CHCHD3: variants seen among roughly 807,000 people sequenced by gnomAD.
CHCHD3 encodes the protein coiled-coil-helix-coiled-coil-helix domain containing 3, also known as MICOS complex subunit MIC19.
CHCHD3 carries 20 observed loss-of-function variants against 38.2 expected under a neutral mutation model. The observed-to-expected ratio is 0.52, with a 90% CI of 0.37 to 0.76. The LOEUF (loss-of-function observed/expected upper bound fraction) is 0.76, where lower values mean the gene tolerates loss of function less well. Ranked by LOEUF, CHCHD3 falls within the 30% of genes least tolerant of loss-of-function variation. The pLI is 0.00. For synonymous variants in CHCHD3, 82 were observed against 100.0 expected (o/e 0.82, Z 1.07); for missense variants, 245 against 279.2 (o/e 0.88, Z 0.87).
chr7:133,024,772 A>C, intron 2 of CHCHD3, 145 bp from the exon 3 acceptor site: 1 of 643,530 alleles, frequency 1.6e-6, no homozygotes, highest in South Asian at 1.8e-5. Flanking sequence ...GAACTTCTCA[A>C]GCACTGTGGA....
At chr7:132,830,090 A>C (rs929884531) in intron 6 of CHCHD3, among the ~76,000 whole-genome samples, 4 of 152,238 alleles carry the variant, frequency 2.6e-5, no homozygotes, top group Non-Finnish European at 4.4e-5. Flanking sequence ...AGGAACTAAA[A>C]AGAAAGTAAA....
chr7:132,938,394 G>A (rs1466013972), intron 4 of CHCHD3, among the ~76,000 whole-genome samples: 1 of 151,994 alleles, frequency 6.6e-6, no homozygotes, highest in African/African-American at 2.4e-5. Context: ...GCACCCAAAT[G>A]AACACGTAAT....
chr7:132,981,604 A>T (rs1379032798), intron 3 of CHCHD3, among the ~76,000 whole-genome samples: 1 of 152,178 alleles, frequency 6.6e-6, no homozygotes, highest in African/African-American at 2.4e-5. Context: ...TTTGGCTTTT[A>T]ATGGCCCTAA....
At chr7:132,910,367 C>T (rs781184128) in intron 4 of CHCHD3, among the ~76,000 whole-genome samples, 2 of 152,156 alleles carry the variant, frequency 1.3e-5, no homozygotes, top group African/African-American at 4.8e-5. Context: ...TGCCCTGGCT[C>T]CTATACTTGC....
At chr7:133,070,022 T>C in intron 2 of CHCHD3, 120 bp downstream of exon 2, 1 of 666,196 alleles carries the variant, frequency 1.5e-6, no homozygotes, top group Non-Finnish European at 2.5e-6. Flanking sequence ...TAATATTCCT[T>C]ATTAAAAGCT....
intron 4 of CHCHD3, among the ~76,000 whole-genome samples, chr7:132,898,910 C>T (rs1472653377): frequency 3.9e-5 from 6 of 152,188 alleles, no homozygotes; most frequent in East Asian, 1.9e-4. Flanking sequence ...GTGCAGGGCC[C>T]GCCAAGCCCA....
At chr7:133,028,807 C>G (rs1457011363) in intron 2 of CHCHD3, among the ~76,000 whole-genome samples, 1 of 151,622 alleles carries the variant, frequency 6.6e-6, no homozygotes, top group African/African-American at 2.4e-5. Context: ...ATCGCTTGAA[C>G]TCGGGAGGCG....
At chr7:133,054,341 A>T (rs1009129398) in intron 2 of CHCHD3, among the ~76,000 whole-genome samples, 1 of 152,214 alleles carries the variant, frequency 6.6e-6, no homozygotes, top group Non-Finnish European at 1.5e-5. Context: ...GTCATTCTGC[A>T]TAGGCTCACA....
At position 133,082,065 on chromosome 7, in the gene CHCHD3, A is replaced by G; in HGVS notation, c.-128T>C. The G allele has an allele frequency of 1.3e-6, 1 of 775,806 alleles. No homozygotes were observed. Among genetic ancestry groups the G allele is most frequent in the South Asian group, 1.9e-5 (1 of 53,092 alleles). 48.1% of individuals were successfully genotyped at this position (775,806 alleles called of 1,614,324 possible). A position where few individuals can be genotyped will look rare whatever the true frequency, so the allele number is the denominator to read the frequency against. ...CAGCGGGAGCAAGGCCACGACCCCC[A>G]GAAGCAAGGAGAAGGCGCCGGTCCT... On this transcript the variant is annotated 5_prime_UTR_variant, in exon 1 of 8. Coordinates refer to ENST00000262570, the MANE Select transcript of CHCHD3 (RefSeq NM_017812.4).
At chr7:132,857,668 A>G (rs1451343623) in intron 5 of CHCHD3, among the ~76,000 whole-genome samples, 1 of 152,152 alleles carries the variant, frequency 6.6e-6, no homozygotes, top group East Asian at 1.9e-4. Flanking sequence ...TTGGCGTCCC[A>G]AAGTGCTGGG....
chr7:133,034,596 G>A (rs762205590), intron 2 of CHCHD3: 5 of 1,481,054 alleles, frequency 3.4e-6, no homozygotes, highest in Non-Finnish European at 3.6e-6. Context: ...CTAGGTGATG[G>A]CAAGAGATGT....
chr7:133,012,158 G>T (rs979963960), intron 3 of CHCHD3, among the ~76,000 whole-genome samples: 2 of 152,046 alleles, frequency 1.3e-5, no homozygotes, highest in South Asian at 4.1e-4. Context: ...CCTATGTAGG[G>T]CTAAATAACA....
chr7:132,793,059 C>T (rs1229925845), intron 7 of CHCHD3, among the ~76,000 whole-genome samples: 1 of 152,202 alleles, frequency 6.6e-6, no homozygotes. Context: ...AACTTGGGCA[C>T]ATTTTGGTCT....
chr7:132,837,812 A>C (rs1329998875), intron 6 of CHCHD3, among the ~76,000 whole-genome samples: 1 of 152,224 alleles, frequency 6.6e-6, no homozygotes, highest in Non-Finnish European at 1.5e-5. Flanking sequence ...CTGGCAGCAA[A>C]GGGAAAGTAC....
chr7:132,917,295 A>C (rs1366978232), intron 4 of CHCHD3, among the ~76,000 whole-genome samples: 4 of 92,892 alleles, frequency 4.3e-5, no homozygotes, highest in African/African-American at 1.3e-4. Context: ...GAATTCTTAC[A>C]AAAAAAAAAA....
intron 4 of CHCHD3, chr7:132,972,912 A>G (rs1034269761): frequency 2.0e-6 from 2 of 985,342 alleles, no homozygotes; most frequent in African/African-American, 3.5e-5. Context: ...ACAAAGCAGT[A>G]AAGACAGACA....
chr7:132,824,925 C>A (rs1173435537), intron 6 of CHCHD3, among the ~76,000 whole-genome samples: 1 of 152,188 alleles, frequency 6.6e-6, no homozygotes, highest in African/African-American at 2.4e-5. Flanking sequence ...ATGGTTTGTA[C>A]CTTCATGTTA....
intron 5 of CHCHD3, among the ~76,000 whole-genome samples, chr7:132,850,709 A>G (rs1164329828): frequency 1.3e-5 from 2 of 152,206 alleles, no homozygotes; most frequent in Non-Finnish European, 2.9e-5. Context: ...TATGATGCTG[A>G]GCAAACAGAT....
intron 4 of CHCHD3, among the ~76,000 whole-genome samples, chr7:132,949,481 AT>A (rs1278176069): frequency 6.6e-5 from 10 of 152,214 alleles, no homozygotes; most frequent in African/African-American, 2.2e-4. Context: ...TAATGAGCCT[AT>A]GTTTATTTGC....
Sources: allele counts gnomAD v4.1 joint callset (sites outside exome capture counted in the v4.1 genomes callset), GRCh38; gene constraint gnomAD v4.1.1; transcripts MANE v1.5; gene names NCBI Gene and HGNC (gene_info 2026-07-23, HGNC 2026-07-21).